ABTB3: variants seen among roughly 807,000 people sequenced by gnomAD.
The protein encoded by ABTB3 is ankyrin repeat and BTB domain containing 3, also known as ankyrin repeat- and BTB/POZ domain-containing protein 3.
At chr12:107,578,554 G>A in the ABTB3 span, among the ~76,000 whole-genome samples, 1 of 152,102 alleles carries the variant, frequency 6.6e-6, no homozygotes, top group South Asian at 2.1e-4. Context: ...ACTGTGCTCT[G>A]GGGCCACTGA....
At chr12:107,364,610 G>T in the ABTB3 span, among the ~76,000 whole-genome samples, 3 of 152,074 alleles carry the variant, frequency 2.0e-5, no homozygotes, top group African/African-American at 7.2e-5. Context: ...AAACACTTCT[G>T]AAGGCAGCGA....
the ABTB3 span, among the ~76,000 whole-genome samples, chr12:107,392,371 A>G: frequency 1.3e-5 from 2 of 152,030 alleles, no homozygotes; most frequent in South Asian, 4.1e-4. Context: ...CAGGCCCCTT[A>G]GAAGGAAGTA....
At chr12:107,384,234 T>G in the ABTB3 span, among the ~76,000 whole-genome samples, 5 of 152,072 alleles carry the variant, frequency 3.3e-5, no homozygotes, top group Non-Finnish European at 7.4e-5. Flanking sequence ...ATTTTACAAA[T>G]AAGGAAGCAG....
the ABTB3 span, among the ~76,000 whole-genome samples, chr12:107,397,795 G>A: frequency 6.6e-6 from 1 of 152,054 alleles, no homozygotes; most frequent in Non-Finnish European, 1.5e-5. Context: ...GCGTGAGATG[G>A]GGGTCTAATC....
the ABTB3 span, among the ~76,000 whole-genome samples, chr12:107,453,938 G>A: frequency 6.6e-6 from 1 of 152,242 alleles, no homozygotes; most frequent in Non-Finnish European, 1.5e-5. Context: ...CTGCTAGAGA[G>A]ATTGGGAGGA....
the ABTB3 span, among the ~76,000 whole-genome samples, chr12:107,391,874 C>T: frequency 6.6e-5 from 10 of 152,208 alleles, no homozygotes; most frequent in African/African-American, 2.4e-4. Context: ...GGGGTGTGTG[C>T]ATTTTCTAGG....
the ABTB3 span, among the ~76,000 whole-genome samples, chr12:107,647,699 G>A: frequency 6.6e-6 from 1 of 152,200 alleles, no homozygotes; most frequent in Non-Finnish European, 1.5e-5. Context: ...GCTGACATTT[G>A]CAGAGGACTT....
the ABTB3 span, among the ~76,000 whole-genome samples, chr12:107,365,575 C>G: frequency 6.6e-6 from 1 of 152,202 alleles, no homozygotes; most frequent in South Asian, 2.1e-4. Flanking sequence ...ATACAAGCAC[C>G]TACCAATGTG....
At chr12:107,601,535 T>C in the ABTB3 span, among the ~76,000 whole-genome samples, 2 of 152,188 alleles carry the variant, frequency 1.3e-5, no homozygotes, top group African/African-American at 2.4e-5. Context: ...AGGAATCCCT[T>C]TGGAAGCCTG....
the ABTB3 span, among the ~76,000 whole-genome samples, chr12:107,637,786 TTGTGTGTGTG>T: frequency 0.3 from 43,265 of 144,390 alleles, 7,472 homozygotes; most frequent in East Asian, 0.55. Context: ...AGCACTGATT[TTGTGTGTGTG>T]TGTGTGTGTG....
the ABTB3 span, among the ~76,000 whole-genome samples, chr12:107,442,968 C>T: frequency 1.3e-5 from 2 of 152,144 alleles, no homozygotes; most frequent in East Asian, 1.9e-4. Context: ...GTCCATAGAG[C>T]GCACCTTCTT....
At chr12:107,560,424 C>CT in the ABTB3 span, among the ~76,000 whole-genome samples, 14 of 152,110 alleles carry the variant, frequency 9.2e-5, no homozygotes, top group African/African-American at 2.7e-4. Context: ...CCAGCTGTTG[C>CT]TTTTTTTCCA....
chr12:107,498,358 C>G, the ABTB3 span, among the ~76,000 whole-genome samples: 1 of 152,138 alleles, frequency 6.6e-6, no homozygotes, highest in Admixed American at 6.6e-5. Flanking sequence ...CACCATCAGG[C>G]CCCCCAGCAC....
At chr12:107,478,673 C>T in the ABTB3 span, among the ~76,000 whole-genome samples, 2 of 152,078 alleles carry the variant, frequency 1.3e-5, no homozygotes, top group Admixed American at 6.5e-5. Flanking sequence ...GCCTATCCTC[C>T]GCCACCCTCA....
At chr12:107,421,164 C>G in the ABTB3 span, among the ~76,000 whole-genome samples, 21 of 152,148 alleles carry the variant, frequency 1.4e-4, no homozygotes, top group African/African-American at 4.1e-4. Context: ...GAAACACAGT[C>G]CTACTGAGAG....
At chr12:107,611,735 T>C in the ABTB3 span, among the ~76,000 whole-genome samples, 1 of 152,242 alleles carries the variant, frequency 6.6e-6, no homozygotes, top group Non-Finnish European at 1.5e-5. Flanking sequence ...CCAGAACTTT[T>C]GTTTCCTTTT....
chr12:107,636,059 A>G, the ABTB3 span, among the ~76,000 whole-genome samples: 20 of 152,304 alleles, frequency 1.3e-4, no homozygotes, highest in African/African-American at 3.8e-4. Context: ...CCACCCCAAG[A>G]GGCAGGCACT....
At chr12:107,658,002 G>A in the ABTB3 span, 2 of 456,896 alleles carry the variant, frequency 4.4e-6, no homozygotes, top group African/African-American at 3.9e-5. Flanking sequence ...CCACTGTCCA[G>A]TGAATGGATT....
At chr12:107,456,127 G>A in the ABTB3 span, among the ~76,000 whole-genome samples, 4 of 152,104 alleles carry the variant, frequency 2.6e-5, no homozygotes, top group Non-Finnish European at 5.9e-5. Context: ...AATAACTACC[G>A]TAAGCTTTTT....
Sources: allele counts gnomAD v4.1 joint callset (sites outside exome capture counted in the v4.1 genomes callset), GRCh38; gene constraint gnomAD v4.1.1; transcripts MANE v1.5; gene names NCBI Gene and HGNC (gene_info 2026-07-23, HGNC 2026-07-21).